The following PACRG variants were observed in gnomAD, a reference collection of about 807,000 sequenced individuals.
PACRG encodes the protein parkin coregulated gene protein.
A neutral mutation model predicts 29.7 loss-of-function variants in PACRG; 29 were observed. The observed-to-expected ratio is 0.98, with a 90% CI of 0.73 to 1.33. The LOEUF is 1.33. PACRG is among the 40% of genes most tolerant of loss of function. The pLI is 0.00. For synonymous variants in PACRG, 116 were observed against 118.7 expected (o/e 0.98, Z 0.15); for missense variants, 279 against 316.2 (o/e 0.88, Z 0.89).
intron 2 of PACRG, among the ~76,000 whole-genome samples, chr6:162,924,276 T>G (rs902102405): frequency 6.6e-6 from 1 of 152,044 alleles, no homozygotes; most frequent in Non-Finnish European, 1.5e-5. Flanking sequence ...ATCAGTTCTA[T>G]GAATTTTTTG....
At chr6:162,732,004 C>T (rs911889876) in intron 1 of PACRG, among the ~76,000 whole-genome samples, 1 of 151,972 alleles carries the variant, frequency 6.6e-6, no homozygotes, top group Non-Finnish European at 1.5e-5. Context: ...AAGGGGGGCT[C>T]GAGACCACCA....
At chr6:163,148,933 G>A (rs1777926971) in intron 4 of PACRG, among the ~76,000 whole-genome samples, 1 of 137,520 alleles carries the variant, frequency 7.3e-6, no homozygotes, top group Non-Finnish European at 1.5e-5. Flanking sequence ...TCGTGGAAGT[G>A]AATGAGGGTT....
chr6:163,300,479 G>A (rs1020879657), intron 4 of PACRG, among the ~76,000 whole-genome samples: 7 of 152,270 alleles, frequency 4.6e-5, no homozygotes, highest in South Asian at 2.1e-4. Context: ...CGAAGCCTCC[G>A]CCCTCACTCT....
chr6:163,139,318 A>C (rs1203350075), intron 4 of PACRG, among the ~76,000 whole-genome samples: 1 of 152,056 alleles, frequency 6.6e-6, no homozygotes. Flanking sequence ...TGTAAGGCCC[A>C]TCTGGGTAAG....
rs1795071117 is a variant in PACRG at position 162,895,147 on chromosome 6, G to A, written c.291+80866G>A. Among the ~76,000 whole-genome samples the A allele has an allele frequency of 2.7e-5, 4 of 150,588 alleles. No individual in the cohort carries two copies. In the South Asian group the frequency reaches 8.5e-4, roughly 32 times the overall value. On this transcript the variant is annotated intron_variant, in intron 2 of 4. Coordinates refer to ENST00000366888, the MANE Select transcript of PACRG (RefSeq NM_001080379.2). ...TAGCCATGTGTGGTGGCATGCGACT[G>A]TGATCTCAGCTACTCTGGAGGCTGA...
At chr6:163,284,472 G>A (rs1035872076) in intron 4 of PACRG, among the ~76,000 whole-genome samples, 1 of 152,232 alleles carries the variant, frequency 6.6e-6, no homozygotes, top group African/African-American at 2.4e-5. Context: ...ACTAGGAACT[G>A]GGAGATGTGA....
intron 4 of PACRG, among the ~76,000 whole-genome samples, chr6:163,296,573 G>C (rs966754431): frequency 3.9e-5 from 6 of 152,214 alleles, no homozygotes; most frequent in Admixed American, 3.9e-4. Context: ...TGGAATTACA[G>C]GCGTGAGCCA....
intron 2 of PACRG, chr6:163,052,078 C>T (rs1185510153): frequency 2.0e-5 from 3 of 152,130 alleles, no homozygotes; most frequent in African/African-American, 4.8e-5. Context: ...TTCATCACAA[C>T]TGCATCACAC....
At chr6:163,061,660 C>CA (rs1811106593) in intron 2 of PACRG, among the ~76,000 whole-genome samples, 1 of 152,200 alleles carries the variant, frequency 6.6e-6, no homozygotes, top group South Asian at 2.1e-4. Context: ...CTTGACCTCT[C>CA]ACTCTCCTGT....
intron 4 of PACRG, among the ~76,000 whole-genome samples, chr6:163,211,137 T>TTAACTAC (rs1781120880): frequency 6.6e-6 from 1 of 152,188 alleles, no homozygotes; most frequent in African/African-American, 2.4e-5. Flanking sequence ...AACTCTACCA[T>TTAACTAC]TATGACAGCA....
chr6:163,250,883 G>GTATA (rs368878258), intron 4 of PACRG, among the ~76,000 whole-genome samples: 4,267 of 138,034 alleles, frequency 0.031, 129 homozygotes, highest in African/African-American at 0.067. Context: ...AGAAATTGTT[G>GTATA]TATATATATA....
rs555479772 is a variant in PACRG, at chr6:163,189,059, G to A, written c.613+99651G>A. On this transcript the variant is annotated intron_variant, in intron 4 of 4. Transcript: ENST00000366888. ...AGGATAATTGATTAAAATGTCAAAG[G>A]TGGTTGGGGAATGCTGAGATGGAAT... Among the ~76,000 whole-genome samples the A allele has an allele frequency of 4.6e-5, 7 of 152,318 alleles. No individual in the cohort carries two copies. In the South Asian group the frequency reaches 1.4e-3, roughly 32 times the overall value.
intron 1 of PACRG, among the ~76,000 whole-genome samples, chr6:162,782,355 A>T (rs1248802911): frequency 6.6e-6 from 1 of 151,956 alleles, no homozygotes; most frequent in African/African-American, 2.4e-5. Context: ...GGCAATTATT[A>T]TAACAAACAT....
At chr6:162,771,317 G>A (rs1783199855) in intron 1 of PACRG, among the ~76,000 whole-genome samples, 1 of 152,276 alleles carries the variant, frequency 6.6e-6, no homozygotes, top group Admixed American at 6.5e-5. Context: ...TTCACATAAT[G>A]GAGGACAACG....
chr6:162,778,209 T>C (rs958930916), intron 1 of PACRG, among the ~76,000 whole-genome samples: 55 of 152,092 alleles, frequency 3.6e-4, no homozygotes, highest in Non-Finnish European at 1.2e-4. Flanking sequence ...AGCACGGTGA[T>C]TGTGGCGTTG....
At chr6:163,304,940 A>G (rs1785141387) in intron 4 of PACRG, among the ~76,000 whole-genome samples, 1 of 152,262 alleles carries the variant, frequency 6.6e-6, no homozygotes, top group Non-Finnish European at 1.5e-5. Flanking sequence ...AGGGTAAATC[A>G]GGAAGAGGAG....
intron 4 of PACRG, among the ~76,000 whole-genome samples, chr6:163,181,263 A>G (rs941339586): frequency 1.2e-4 from 18 of 152,154 alleles, no homozygotes. Flanking sequence ...AGGGTTAAAG[A>G]ATACGTGATG....
intron 2 of PACRG, among the ~76,000 whole-genome samples, chr6:162,960,854 A>G (rs1379091204): frequency 6.6e-6 from 1 of 152,238 alleles, no homozygotes; most frequent in African/African-American, 2.4e-5. Flanking sequence ...ATTCAGATGT[A>G]TTTTCTTTGG....
chr6:163,254,860 C>T (rs540166007), intron 4 of PACRG, among the ~76,000 whole-genome samples: 88 of 152,344 alleles, frequency 5.8e-4, no homozygotes, highest in African/African-American at 1.8e-3. Context: ...GTTTTTAAAG[C>T]GTGGGCTGTA....
Sources: gnomAD v4.1 joint callset for allele counts (sites outside exome capture counted in the v4.1 genomes callset) on GRCh38, gnomAD v4.1.1 for gene constraint, MANE v1.5 for transcripts, NCBI Gene and HGNC (gene_info 2026-07-23, HGNC 2026-07-21) for gene names.